MCM7: variants seen among roughly 807,000 people sequenced by gnomAD.
MCM7 encodes the protein minichromosome maintenance complex component 7, also known as DNA replication licensing factor MCM7.
A neutral mutation model predicts 83.5 loss-of-function variants in MCM7; 95 were observed. That is an observed-to-expected ratio of 1.14 (90% CI 0.96 to 1.35). MCM7 has a LOEUF of 1.35. Ranked by LOEUF, MCM7 falls within the 40% of genes most tolerant of loss-of-function variation. MCM7 has a pLI of 0.00. For missense variants in MCM7, 1,087 were observed against 957.4 expected, an observed-to-expected ratio of 1.14 and a Z score of -1.79; for synonymous variants, 461 against 352.7, an observed-to-expected ratio of 1.31 and a Z score of -3.44.
intron 13 of MCM7, chr7:100,093,866 G>A (rs532390189): frequency 9.2e-6 from 6 of 651,516 alleles, no homozygotes; most frequent in African/African-American, 1.8e-5. Flanking sequence ...TCCAAGACGG[G>A]AGGACAGAAA....
chr7:100,094,493 G>T, intron 12 of MCM7, 152 bp from the exon 13 acceptor site: 1 of 822,140 alleles, frequency 1.2e-6, no homozygotes, highest in Non-Finnish European at 1.9e-6. Context: ...GTGATTATTT[G>T]CTTGGCTTGA....
Position 100,097,869 on chromosome 7 carries a change from C to G in MCM7, c.950G>C (p.Gly317Ala). The change falls in exon 8 of 15, where the codon GGA becomes GCA. Residue 317 changes from glycine to alanine, a missense_variant. Gly to Ala is a moderately conservative substitution (Grantham distance 60). Coordinates refer to ENST00000303887, the MANE Select transcript of MCM7 (RefSeq NM_005916.5). ...NKSEDDESGA[G>A]ELTREELRQI... ...CCTCAGCTCCTCCCTGGTGAGCTCT[C>G]CAGCCCCAGACTCATCATCCTCACT... 6.2e-7 allele frequency: 1 copy of G among 1,614,208 alleles called. No individual in the cohort carries two copies. Among genetic ancestry groups the G allele is most frequent in the Non-Finnish European group, 8.5e-7 (1 of 1,180,036 alleles).
At chr7:100,099,937 A>G (rs1390166918) in intron 2 of MCM7, 77 bp downstream of exon 2, 2 of 1,482,518 alleles carry the variant, frequency 1.3e-6, no homozygotes, top group Non-Finnish European at 1.9e-6. Context: ...TATGTCTTTA[A>G]TAAAACAAGC....
Position 100,098,137 on chromosome 7 carries a change from T to C in MCM7, c.870+4A>G, listed in dbSNP as rs752805225. The C allele has an allele frequency of 1.2e-5, 19 of 1,613,864 alleles. No individual in the cohort carries two copies. In the Admixed American group the frequency reaches 1.8e-4, roughly 16 times the overall value. ...TCCATTCCTCATGTCAAACTCTTCC[T>C]TACCTGTACCACCTGTCGGAACCCA... is the stretch of plus-strand genomic sequence containing the variant. On this transcript the variant is annotated splice_donor_region_variant and intron_variant, in intron 7 of 14. Coordinates refer to ENST00000303887, the MANE Select transcript of MCM7 (RefSeq NM_005916.5).
chr7:100,097,110 A>G (rs1429076019), intron 10 of MCM7, among the ~76,000 whole-genome samples, 191 bp downstream of exon 10: 1 of 152,182 alleles, frequency 6.6e-6, no homozygotes, highest in Admixed American at 6.5e-5. Context: ...CAAAAAAAAC[A>G]AAAACAAAAA....
At position 100,092,787 on chromosome 7, in the gene MCM7, C is replaced by CTGTA. The variant is rs1454326451; in HGVS notation, c.*144_*145insTACA. ...CAGGCCCAGGCTAGAAGATGACAATCTACAAACACTTTTATTAGCAAAAGG... is the reference window on the plus strand; with the variant it reads ...CAGGCCCAGGCTAGAAGATGACAATCTGTATACAAACACTTTTATTAGCAAAAGG... On this transcript the variant is annotated 3_prime_UTR_variant, in exon 15 of 15. Coordinates refer to ENST00000303887, the MANE Select transcript of MCM7 (RefSeq NM_005916.5). The CTGTA allele has an allele frequency of 1.2e-6, 1 of 834,446 alleles. No homozygotes were observed. Among genetic ancestry groups the CTGTA allele is most frequent in the African/African-American group, 1.7e-5 (1 of 58,274 alleles). The allele number at this position is 834,446 out of a possible 1,614,324, so 51.7% of individuals were successfully genotyped here.
At position 100,099,946 on chromosome 7, in the gene MCM7, G is replaced by A. The variant is rs146945383; in HGVS notation, c.111+68C>T. 1,635 of 1,490,930 alleles carry A rather than the reference G, an allele frequency of 1.1e-3. 13 individuals carry two copies. In the African/African-American group the frequency reaches 0.02, roughly 19 times the overall value. 92.4% of individuals were successfully genotyped at this position (1,490,930 alleles called of 1,614,324 possible). On this transcript the variant is annotated intron_variant, in intron 2 of 14. Transcript: ENST00000303887. Reference sequence around the variant, plus strand: ...AATTGTTATGTCTTTAATAAAACAAGCCAAGCTGCTGCTTATGGCTCCTTA... The same window carrying A: ...AATTGTTATGTCTTTAATAAAACAAACCAAGCTGCTGCTTATGGCTCCTTA...
rs375792821 is a variant in MCM7, at chr7:100,095,847, G to A, written c.1522C>T (p.Pro508Ser). The A allele has an allele frequency of 7.4e-6, 12 of 1,612,250 alleles. No homozygotes were observed. Among genetic ancestry groups the A allele is most frequent in the Non-Finnish European group, 1.0e-5 (12 of 1,179,722 alleles). ...RRSLEQNIQLPAALLSRFDLL... is the reference protein window; with the variant it reads ...RRSLEQNIQLSAALLSRFDLL... ...TCAAACCGGGAGAGCAGTGCAGCAG[G>A]TAGCTGTATGTTCTGCTCCAGGCTG... Residue 508 changes from proline (P) to serine (S), a missense_variant, in exon 11 of 15, where the codon CCT (proline) becomes TCT (serine). Physicochemically the swap from Pro to Ser is moderately conservative, Grantham distance 74. Transcript: ENST00000303887.
rs1258763136 is a variant in MCM7 at position 100,097,641 on chromosome 7, G to A, written c.1090C>T (p.Gln364Ter). The A allele has an allele frequency of 1.2e-6, 2 of 1,614,024 alleles. No individual in the cohort carries two copies. The highest frequency in any genetic ancestry group is 1.7e-5 in the Admixed American group (1 of 60,010). Reference protein sequence around the residue: ...LLLLLVGGVDQSPRGMKIRGN... With the variant: ...LLLLLVGGVD ...CGGATTTTCATGCCTCGAGGAGACTGGTCCACACCCCCGACTAGCAGGAGC... is the reference window on the plus strand; with the variant it reads ...CGGATTTTCATGCCTCGAGGAGACTAGTCCACACCCCCGACTAGCAGGAGC... Residue 364 changes from glutamine (Q) to a stop codon, truncating the protein, a stop_gained, in exon 9 of 15, where the codon CAG becomes TAG. Coordinates refer to ENST00000303887, the MANE Select transcript of MCM7 (RefSeq NM_005916.5). LOFTEE classifies it high-confidence loss of function.
At chr7:100,094,391 G>C in intron 12 of MCM7, 50 bp from the exon 13 acceptor site, 1 of 1,604,654 alleles carries the variant, frequency 6.2e-7, no homozygotes, top group Non-Finnish European at 8.5e-7. Flanking sequence ...GGGGAAGGGA[G>C]TGAATATGAG....
At position 100,097,947 on chromosome 7, in the gene MCM7, C is replaced by G. The variant is rs758521560; in HGVS notation, c.872G>C (p.Gly291Ala). 6.2e-7 allele frequency: 1 copy of G among 1,613,774 alleles called. No homozygotes were observed. Among genetic ancestry groups the G allele is most frequent in the African/African-American group, 1.3e-5 (1 of 74,904 alleles). The change falls in exon 8 of 15, where the codon GGT (glycine) becomes GCT (alanine). Residue 291 changes from glycine to alanine, a missense_variant and splice_region_variant. Gly to Ala is a moderately conservative substitution (Grantham distance 60, BLOSUM62 0). Coordinates refer to ENST00000303887, the MANE Select transcript of MCM7 (RefSeq NM_005916.5). ...LRTGFRQVVQGLLSETYLEAH... is the reference protein window; with the variant it reads ...LRTGFRQVVQALLSETYLEAH... The stretch of plus-strand genomic sequence containing the variant: ...TTCCAGGTAGGTTTCTGAGAGTAAA[C>G]CCTTGGGCAGGAAAATGCCAGGATA...
intron 1 of MCM7, chr7:100,100,919 G>A (rs1252609646): frequency 2.8e-6 from 3 of 1,056,230 alleles, no homozygotes; most frequent in Admixed American, 4.9e-5. Context: ...AAAGCGCGAA[G>A]GAAAGCGGGC....
rs1167170306 is a variant in MCM7, at chr7:100,095,383, C to T, written c.1679+4G>A. On this transcript the variant is annotated splice_donor_region_variant and intron_variant, in intron 12 of 14. Coordinates refer to ENST00000303887, the MANE Select transcript of MCM7 (RefSeq NM_005916.5). ...GTTTGCCCACCCGCACCCAGCTCTC[C>T]TACCTCATGAGCTTCATGTCCAGAG... is the stretch of plus-strand genomic sequence containing the variant. 6.2e-7 allele frequency: 1 copy of T among 1,611,926 alleles called. No individual in the cohort carries two copies. The highest frequency in any genetic ancestry group is 8.5e-7 in the Non-Finnish European group (1 of 1,179,332).
At position 100,097,327 on chromosome 7, in the gene MCM7, G is replaced by A; in HGVS notation, c.1175C>T (p.Ser392Leu). ...DPGVAKSQLL[S>L]YIDRLAPRSQ... is the part of the protein sequence containing the mutation. The stretch of plus-strand genomic sequence containing the variant: ...GCGAGGCGCCAGTCGATCAATGTAT[G>A]ACAGGAGCTGAGACTTGGCCACACC... The change falls in exon 10 of 15, where the codon TCA becomes TTA. Residue 392 changes from serine (S) to leucine (L), a missense_variant. Transcript: ENST00000303887. 1 of 1,614,130 alleles carries A rather than the reference G, an allele frequency of 6.2e-7. No homozygotes were observed. Among genetic ancestry groups the A allele is most frequent in the Non-Finnish European group, 8.5e-7 (1 of 1,180,024 alleles).
At position 100,097,357 on chromosome 7, in the gene MCM7, T is replaced by TC. The variant is rs756602956; in HGVS notation, c.1144dup (p.Asp382GlyfsTer14). 4 of 1,614,014 alleles carry TC rather than the reference T, an allele frequency of 2.5e-6. No individual in the cohort carries two copies. The South Asian group carries it at 3.3e-5, about 13-fold the overall frequency. On this transcript the variant is annotated frameshift_variant, in exon 10 of 15. Coordinates refer to ENST00000303887, the MANE Select transcript of MCM7 (RefSeq NM_005916.5). LOFTEE classifies it high-confidence loss of function. Reference sequence around the variant, plus strand: ...GAGCTGAGACTTGGCCACACCAGGATCCCCCATCAGACAGATGTTGATGTT... The same window carrying TC: ...GAGCTGAGACTTGGCCACACCAGGATCCCCCCATCAGACAGATGTTGATGTT...
intron 12 of MCM7, 76 bp downstream of exon 12, chr7:100,095,311 A>G (rs1281772506): frequency 1.6e-6 from 2 of 1,290,254 alleles, no homozygotes; most frequent in African/African-American, 1.5e-5. Context: ...CACACACCCT[A>G]AGACTAATAA....
chr7:100,094,045 C>A, intron 13 of MCM7, 128 bp downstream of exon 13: 2 of 1,174,348 alleles, frequency 1.7e-6, no homozygotes, highest in Non-Finnish European at 2.6e-6. Context: ...GGACCACTAT[C>A]TGCACTGTCA....
chr7:100,093,446 G>T, intron 13 of MCM7, 45 bp from the exon 14 acceptor site: 2 of 1,553,900 alleles, frequency 1.3e-6, no homozygotes, highest in Non-Finnish European at 8.9e-7. Flanking sequence ...GAGGAGGGCA[G>T]TGGAACGAGG....
chr7:100,100,324 T>C, intron 1 of MCM7: 1 of 1,222,840 alleles, frequency 8.2e-7, no homozygotes, highest in Non-Finnish European at 1.0e-6. Context: ...CCCAGGGGAA[T>C]TCCGGTCCCT....
Sources: allele counts gnomAD v4.1 joint callset (sites outside exome capture counted in the v4.1 genomes callset), GRCh38; gene constraint gnomAD v4.1.1; transcripts MANE v1.5; gene names NCBI Gene and HGNC (gene_info 2026-07-23, HGNC 2026-07-21).